The following DGKH variants were observed in gnomAD, a reference collection of about 807,000 sequenced individuals.
DGKH encodes the protein DAG kinase eta.
Under a neutral mutation model 159.3 loss-of-function variants are expected in DGKH, and 90 were observed. The observed-to-expected ratio is 0.57, with a 90% CI of 0.48 to 0.67. DGKH has a LOEUF of 0.67. Ranked by LOEUF, DGKH falls within the 30% of genes least tolerant of loss-of-function variation. DGKH has a pLI of 0.00. For synonymous variants in DGKH, 536 were observed against 553.8 expected, an observed-to-expected ratio of 0.97 and a Z score of 0.45; for missense variants, 1,181 against 1,506.1, an observed-to-expected ratio of 0.78 and a Z score of 3.57.
At chr13:42,108,447 T>C (rs1170186) in intron 1 of DGKH, among the ~76,000 whole-genome samples, 14,944 of 152,198 alleles carry the variant, frequency 0.098, 1,710 homozygotes, top group African/African-American at 0.28. Flanking sequence ...GGGAAGGTGC[T>C]GAATTCATTT....
chr13:42,090,218 A>T (rs1365213887), intron 1 of DGKH, among the ~76,000 whole-genome samples: 1 of 152,220 alleles, frequency 6.6e-6, no homozygotes, highest in Non-Finnish European at 1.5e-5. Context: ...AATAAATTTT[A>T]AAAAACTGTA....
rs777599359 is a variant in DGKH, at chr13:42,214,609, G to A, written c.3117G>A (p.Pro1039=). 34 of 1,612,712 alleles carry A rather than the reference G, an allele frequency of 2.1e-5. No individual in the cohort carries two copies. The highest frequency in any genetic ancestry group is 5.3e-5 in the African/African-American group (4 of 74,828). Residue 1039 remains proline, a synonymous_variant, in exon 25 of 30, where the codon CCG becomes CCA. Coordinates refer to ENST00000337343, the MANE Select transcript of DGKH (RefSeq NM_178009.5). ...TGAATAAAGCCAACCCAAGGTGCCC[G>A]GAGGTGAGGATCTAATGGTAAATTC... The part of the protein sequence containing the change: ...HALNKANPRC[P]ESLTRDTATE...
intron 1 of DGKH, among the ~76,000 whole-genome samples, chr13:42,109,955 A>G (rs548910036): frequency 2.6e-5 from 4 of 152,278 alleles, no homozygotes; most frequent in Non-Finnish European, 5.9e-5. Flanking sequence ...ATGTGTATCT[A>G]TCTATATCTA....
chr13:42,183,012 G>A (rs934518421), intron 13 of DGKH, among the ~76,000 whole-genome samples: 5 of 151,914 alleles, frequency 3.3e-5, no homozygotes, highest in Admixed American at 6.6e-5. Context: ...ATCTTGACCA[G>A]GCATGGTGGT....
chr13:42,106,452 T>A (rs922808238), intron 1 of DGKH, among the ~76,000 whole-genome samples: 6 of 152,152 alleles, frequency 3.9e-5, no homozygotes, highest in African/African-American at 1.4e-4. Context: ...CAGAGCAGCA[T>A]AGACAATGAG....
intron 1 of DGKH, among the ~76,000 whole-genome samples, chr13:42,076,307 T>C (rs754336024): frequency 1.3e-5 from 2 of 152,190 alleles, no homozygotes; most frequent in Admixed American, 6.5e-5. Flanking sequence ...AATAAAAGAA[T>C]TATTACACAG....
At chr13:42,067,992 T>A (rs1284993597) in intron 1 of DGKH, among the ~76,000 whole-genome samples, 1 of 152,118 alleles carries the variant, frequency 6.6e-6, no homozygotes, top group Non-Finnish European at 1.5e-5. Context: ...TTTAAAAAAA[T>A]AAACACAATT....
intron 13 of DGKH, among the ~76,000 whole-genome samples, chr13:42,182,834 T>G (rs1956809037): frequency 6.6e-6 from 1 of 152,054 alleles, no homozygotes. Flanking sequence ...CAATATTACT[T>G]AAGCCATATC....
At chr13:42,165,243 G>A (rs1450384457) in intron 7 of DGKH, 88 bp from the exon 8 acceptor site, 1 of 615,232 alleles carries the variant, frequency 1.6e-6, no homozygotes, top group Admixed American at 3.1e-5. Flanking sequence ...TGGTACAGTT[G>A]ATTCTAGATT....
At chr13:42,213,796 A>C (rs559933621) in intron 24 of DGKH, among the ~76,000 whole-genome samples, 2 of 152,136 alleles carry the variant, frequency 1.3e-5, no homozygotes, top group South Asian at 4.1e-4. Context: ...GTCTTACATC[A>C]TTTTCTAGCA....
downstream of DGKH, among the ~76,000 whole-genome samples, chr13:42,245,202 G>A (rs1271789511): frequency 6.6e-6 from 1 of 152,120 alleles, no homozygotes; most frequent in Non-Finnish European, 1.5e-5. Context: ...AAGATGCACT[G>A]GAGTATCTCA....
At chr13:42,081,464 A>C (rs1355691568) in intron 1 of DGKH, among the ~76,000 whole-genome samples, 1 of 152,162 alleles carries the variant, frequency 6.6e-6, no homozygotes, top group African/African-American at 2.4e-5. Context: ...TCCTGACCTC[A>C]AGTGATCCAC....
intron 13 of DGKH, among the ~76,000 whole-genome samples, chr13:42,184,132 A>ATAG (rs1956845688): frequency 6.6e-6 from 1 of 152,216 alleles, no homozygotes; most frequent in South Asian, 2.1e-4. Flanking sequence ...GAGCACAAAG[A>ATAG]CAGCTAGAGA....
chr13:42,250,877 A>C (rs183796713), intron 29 of DGKH, among the ~76,000 whole-genome samples: 122 of 152,146 alleles, frequency 8.0e-4, no homozygotes, highest in Non-Finnish European at 1.4e-3. Context: ...TAATTAGCTT[A>C]ATTATGATTT....
intron 25 of DGKH, among the ~76,000 whole-genome samples, chr13:42,215,119 C>T (rs1401868944): frequency 6.7e-6 from 1 of 150,372 alleles, no homozygotes; most frequent in East Asian, 1.9e-4. Flanking sequence ...TAAAATGTGC[C>T]ACATGGTACA....
At chr13:42,090,288 TATTGG>T (rs1954391740) in intron 1 of DGKH, among the ~76,000 whole-genome samples, 1 of 152,238 alleles carries the variant, frequency 6.6e-6, no homozygotes, top group Non-Finnish European at 1.5e-5. Flanking sequence ...TGGGTTTATA[TATTGG>T]GAGGAATTAA....
intron 29 of DGKH, among the ~76,000 whole-genome samples, chr13:42,226,485 A>G (rs1446785419): frequency 6.6e-6 from 1 of 152,206 alleles, no homozygotes; most frequent in Non-Finnish European, 1.5e-5. Context: ...TATTATAAAG[A>G]TACATGCACA....
Position 42,180,021 on chromosome 13 carries a change from A to G in DGKH, c.1538+1801A>G, listed in dbSNP as rs538013058. ...TAAAGGTTTTGCTGACATCCAAACTATAAAAAGTGGCCAGTTAAAATATTT... is the reference window on the plus strand; with the variant it reads ...TAAAGGTTTTGCTGACATCCAAACTGTAAAAAGTGGCCAGTTAAAATATTT... On this transcript the variant is annotated intron_variant, in intron 13 of 29. Coordinates refer to ENST00000337343, the MANE Select transcript of DGKH (RefSeq NM_178009.5). 2.6e-5 allele frequency among the ~76,000 whole-genome samples: 4 copies of G among 152,364 alleles called. No homozygotes were observed. The South Asian group carries it at 8.3e-4, about 32-fold the overall frequency.
chr13:42,198,815 G>A (rs1053929617), intron 18 of DGKH, among the ~76,000 whole-genome samples: 2 of 152,008 alleles, frequency 1.3e-5, no homozygotes, highest in African/African-American at 2.4e-5. Context: ...TTTCCAGCCC[G>A]TTCTCTCTGA....
Sources: allele counts gnomAD v4.1 joint callset (sites outside exome capture counted in the v4.1 genomes callset), GRCh38; gene constraint gnomAD v4.1.1; transcripts MANE v1.5; gene names NCBI Gene and HGNC (gene_info 2026-07-23, HGNC 2026-07-21).